The following STXBP5L variants were observed in gnomAD, a reference collection of about 807,000 sequenced individuals.
The protein encoded by STXBP5L is syntaxin-binding protein 5-like.
Under a neutral mutation model 144.5 loss-of-function variants are expected in STXBP5L, and 65 were observed. That is an observed-to-expected ratio of 0.45 (90% confidence interval 0.37 to 0.55). The LOEUF (loss-of-function observed/expected upper bound fraction) is 0.55. Among genes scored for constraint, STXBP5L ranks in the 20% least tolerant of loss-of-function variants. The probability of loss-of-function intolerance (pLI) is 0.00; values close to 1 mark genes in which losing one functional copy is unlikely to be tolerated. For synonymous variants in STXBP5L, 505 were observed against 469.6 expected, an observed-to-expected ratio of 1.08 and a Z score of -0.97; for missense variants, 1,298 against 1,405.5, an observed-to-expected ratio of 0.92 and a Z score of 1.22.
chr3:121,067,174 T>G (rs2041589820), intron 5 of STXBP5L, among the ~76,000 whole-genome samples: 1 of 152,084 alleles, frequency 6.6e-6, no homozygotes, highest in African/African-American at 2.4e-5. Flanking sequence ...TTACTGATTT[T>G]TATTCTTCAT....
chr3:121,297,667 T>C (rs926068680), intron 19 of STXBP5L, among the ~76,000 whole-genome samples: 1 of 152,092 alleles, frequency 6.6e-6, no homozygotes, highest in Admixed American at 6.5e-5. Flanking sequence ...AGCATGAGAA[T>C]TGCTTGAACC....
intron 10 of STXBP5L, among the ~76,000 whole-genome samples, chr3:121,207,370 A>G (rs1295027826): frequency 6.6e-6 from 1 of 152,256 alleles, no homozygotes; most frequent in Non-Finnish European, 1.5e-5. Flanking sequence ...ACCTAAAACC[A>G]TAAAAACCCT....
chr3:121,155,545 T>C (rs1318555218), intron 8 of STXBP5L, among the ~76,000 whole-genome samples: 5 of 151,944 alleles, frequency 3.3e-5, no homozygotes, highest in Non-Finnish European at 5.9e-5. Flanking sequence ...TATTTTATGT[T>C]TAAAATTCTG....
intron 9 of STXBP5L, among the ~76,000 whole-genome samples, chr3:121,183,561 C>A (rs1191306): frequency 0.65 from 94,400 of 144,940 alleles, 29,697 homozygotes; most frequent in East Asian, 0.8. Context: ...GCAAGCAAGA[C>A]AAAGAGAGAA....
At chr3:120,989,659 C>T (rs1942639836) in intron 3 of STXBP5L, among the ~76,000 whole-genome samples, 1 of 152,064 alleles carries the variant, frequency 6.6e-6, no homozygotes, top group Non-Finnish European at 1.5e-5. Context: ...TTTCTCTTTC[C>T]CGCTCTACTA....
chr3:121,402,196 G>C (rs1412705068), intron 22 of STXBP5L, among the ~76,000 whole-genome samples: 1 of 152,134 alleles, frequency 6.6e-6, no homozygotes, highest in Non-Finnish European at 1.5e-5. Flanking sequence ...TTGAGCACAT[G>C]ACATGTCCAG....
intron 5 of STXBP5L, among the ~76,000 whole-genome samples, chr3:121,110,556 C>CT (rs1443029483): frequency 6.6e-6 from 1 of 152,168 alleles, no homozygotes; most frequent in Non-Finnish European, 1.5e-5. Flanking sequence ...ATATTGGCCC[C>CT]TGATCTTTTT....
intron 10 of STXBP5L, among the ~76,000 whole-genome samples, chr3:121,208,285 A>G (rs965950603): frequency 2.5e-4 from 35 of 140,620 alleles, no homozygotes; most frequent in African/African-American, 9.1e-4. Context: ...CTGAACAATG[A>G]GAACACTTGG....
chr3:121,175,694 A>T (rs1426973510), intron 9 of STXBP5L, among the ~76,000 whole-genome samples: 1 of 152,132 alleles, frequency 6.6e-6, no homozygotes, highest in Non-Finnish European at 1.5e-5. Context: ...AATAACAAAT[A>T]TGGTAGATTT....
At chr3:121,102,726 C>T (rs2043494666) in intron 5 of STXBP5L, among the ~76,000 whole-genome samples, 1 of 152,078 alleles carries the variant, frequency 6.6e-6, no homozygotes, top group Non-Finnish European at 1.5e-5. Context: ...TAAGGAACTT[C>T]TGCACAGCAA....
At chr3:121,079,385 G>C (rs957130906) in intron 5 of STXBP5L, among the ~76,000 whole-genome samples, 10 of 152,218 alleles carry the variant, frequency 6.6e-5, no homozygotes, top group African/African-American at 1.7e-4. Flanking sequence ...CACTGGGCCT[G>C]TAATAAACTT....
chr3:121,239,827 G>A lies in STXBP5L; in HGVS notation c.1333-613G>A, dbSNP rs541083899. ...TACATATGTAACTAACCTGCGCATT[G>A]TGCACATGTACCCTAAAACTTAAAG... On this transcript the variant is annotated intron_variant, in intron 13 of 26. Coordinates refer to ENST00000471454, the MANE Select transcript of STXBP5L (RefSeq NM_001308330.2). Among the ~76,000 whole-genome samples, 218 of 151,396 alleles carry A rather than the reference G, an allele frequency of 1.4e-3. 1 individual carries two copies. The highest frequency in any genetic ancestry group is 5.0e-3 in the African/African-American group (207 of 41,262).
At chr3:121,213,565 C>T (rs184189597) in intron 10 of STXBP5L, among the ~76,000 whole-genome samples, 2 of 152,172 alleles carry the variant, frequency 1.3e-5, no homozygotes, top group East Asian at 3.8e-4. Flanking sequence ...ATGAAGCCAA[C>T]TTGATCGTGG....
At chr3:120,936,061 T>A (rs905454360) in intron 2 of STXBP5L, among the ~76,000 whole-genome samples, 2 of 152,194 alleles carry the variant, frequency 1.3e-5, no homozygotes, top group African/African-American at 4.8e-5. Context: ...TTTTTCTCTT[T>A]GCATATCAGT....
chr3:121,169,603 G>A (rs1272319925), intron 9 of STXBP5L, among the ~76,000 whole-genome samples: 1 of 152,080 alleles, frequency 6.6e-6, no homozygotes, highest in Non-Finnish European at 1.5e-5. Context: ...ACAAAGAAGG[G>A]CATTACATAA....
At chr3:121,376,395 G>A (rs1026692276) in intron 20 of STXBP5L, among the ~76,000 whole-genome samples, 1 of 152,136 alleles carries the variant, frequency 6.6e-6, no homozygotes, top group African/African-American at 2.4e-5. Flanking sequence ...AATCCATCTG[G>A]AGTTAATTTT....
At chr3:120,915,323 C>T (rs1188112586) in intron 2 of STXBP5L, among the ~76,000 whole-genome samples, 1 of 152,142 alleles carries the variant, frequency 6.6e-6, no homozygotes, top group East Asian at 1.9e-4. Context: ...TGAAAAATCT[C>T]AGGATTAAGT....
intron 18 of STXBP5L, among the ~76,000 whole-genome samples, chr3:121,279,084 G>A (rs947829473): frequency 2.6e-5 from 4 of 151,708 alleles, no homozygotes; most frequent in African/African-American, 4.8e-5. Context: ...AAAAAGTACC[G>A]ACAGAATTGT....
In STXBP5L at chr3:121,378,833, G is replaced by A. The variant is rs368965958; in HGVS notation, c.2294G>A (p.Arg765Gln). 4.2e-5 allele frequency: 68 copies of A among 1,613,596 alleles called. No individual in the cohort carries two copies. Among genetic ancestry groups the A allele is most frequent in the Admixed American group, 1.0e-4 (6 of 59,866 alleles). ...TGGGGTCCTGGAAGACCACCATTTC[G>A]AAAGGCCCAGTCAGCAGCCTGCATG... ...NRWGPGRPPF[R>Q]KAQSAACMEI... Residue 765 changes from arginine (R) to glutamine (Q), a missense_variant, in exon 21 of 27, where the codon CGA (arginine) becomes CAA (glutamine). Arg to Gln is a conservative substitution (Grantham distance 43). Transcript: ENST00000471454.
Sources: allele counts gnomAD v4.1 joint callset (sites outside exome capture counted in the v4.1 genomes callset), GRCh38; gene constraint gnomAD v4.1.1; transcripts MANE v1.5; gene names NCBI Gene and HGNC (gene_info 2026-07-23, HGNC 2026-07-21).